The following ADGRB2 variants were observed in gnomAD, a reference collection of about 807,000 sequenced individuals.
The protein encoded by ADGRB2 is brain-specific angiogenesis inhibitor 2.
In ADGRB2, 47 loss-of-function variants were observed where a neutral mutation model predicts 178.7. That is an observed-to-expected ratio of 0.26 (90% CI 0.21 to 0.34). The LOEUF (loss-of-function observed/expected upper bound fraction) is 0.34, where lower values mean the gene tolerates loss of function less well. Ranked by LOEUF, ADGRB2 falls within the 10% of genes least tolerant of loss-of-function variation. The pLI is 1.00. For missense variants in ADGRB2, 1,584 were observed against 2,180.8 expected, an observed-to-expected ratio of 0.73 and a Z score of 5.45; for synonymous variants, 870 against 912.4, an observed-to-expected ratio of 0.95 and a Z score of 0.84.
In ADGRB2 at chr1:31,727,915, G is replaced by T. The variant is rs892934150; in HGVS notation, c.4572+110C>A. On this transcript the variant is annotated intron_variant, in intron 32 of 32. Coordinates refer to ENST00000373658, the MANE Select transcript of ADGRB2 (RefSeq NM_001364857.2). The surrounding 1 kb of genome is among the most constrained non-coding windows in gnomAD (Gnocchi z 4.4). ...GGCCCCAGACTGTTGCCCATGCCGT[G>T]GGGGAGGCCCTTGGTGAGACAGGCT... 4.4e-6 allele frequency: 6 copies of T among 1,367,696 alleles called. No homozygotes were observed. The highest frequency in any genetic ancestry group is 2.5e-5 in the East Asian group (1 of 39,820). The allele number at this position is 1,367,696 out of a possible 1,614,324, so 84.7% of individuals were successfully genotyped here. A position where few individuals can be genotyped will look rare whatever the true frequency, so the allele number is the denominator to read the frequency against.
rs1645128727 is a variant in ADGRB2 at position 31,728,803 on chromosome 1, A to AACACCCACACACACACACACACAC, written c.4381-171_4381-170insGTGTGTGTGTGTGTGTGTGGGTGT. Reference sequence around the variant, plus strand: ...TGGGGCAGCTTTTCAGGCCTCACTGAACACACACACACACACACACACACA... The same window carrying AACACCCACACACACACACACACAC: ...TGGGGCAGCTTTTCAGGCCTCACTGAACACCCACACACACACACACACACACACACACACACACACACACACACA... On this transcript the variant is annotated intron_variant, in intron 29 of 32. Transcript: ENST00000373658. The surrounding 1 kb of genome is among the most constrained non-coding windows in gnomAD (Gnocchi z 6.7). Among the ~76,000 whole-genome samples, 1 of 115,436 alleles carries AACACCCACACACACACACACACAC rather than the reference A, an allele frequency of 8.7e-6. No homozygotes were observed. Among genetic ancestry groups the AACACCCACACACACACACACACAC allele is most frequent in the Non-Finnish European group, 1.8e-5 (1 of 54,906 alleles). 75.7% of individuals were successfully genotyped at this position (115,436 alleles called of 152,430 possible).
Position 31,728,724 on chromosome 1 carries a change from G to A in ADGRB2, c.4381-91C>T, listed in dbSNP as rs887212452. Reference sequence around the variant, plus strand: ...GAGACAGGAAGCCTGGCATCCCAGGGGTCTGCCCGCTGCACCTTCCCCCCA... The same window carrying A: ...GAGACAGGAAGCCTGGCATCCCAGGAGTCTGCCCGCTGCACCTTCCCCCCA... On this transcript the variant is annotated intron_variant, in intron 29 of 32. Coordinates refer to ENST00000373658, the MANE Select transcript of ADGRB2 (RefSeq NM_001364857.2). This position sits in a 1 kb window ranked among gnomAD's most constrained non-coding sequence, Gnocchi z 6.7. The A allele has an allele frequency of 1.5e-5, 22 of 1,508,460 alleles. No homozygotes were observed. The highest frequency in any genetic ancestry group is 2.0e-5 in the Non-Finnish European group (22 of 1,091,602). The allele number at this position is 1,508,460 out of a possible 1,614,324, so 93.4% of individuals were successfully genotyped here.
intron 6 of ADGRB2, 104 bp from the exon 7 acceptor site, chr1:31,743,106 T>G (rs1164478952): frequency 8.0e-7 from 1 of 1,247,504 alleles, no homozygotes; most frequent in South Asian, 1.9e-5. Flanking sequence ...GCTCTGCGGC[T>G]GCTCCTCATT....
In ADGRB2 at chr1:31,731,222, C is replaced by T. The variant is rs1430172582; in HGVS notation, c.3958G>A (p.Glu1320Lys). Residue 1320 changes from glutamate (E) to lysine (K), a missense_variant, in exon 29 of 33, where the codon GAG (glutamate) becomes AAG (lysine). Coordinates refer to ENST00000373658, the MANE Select transcript of ADGRB2 (RefSeq NM_001364857.2). Reference sequence around the variant, plus strand: ...CCACACATGTAAACAGGGTTGGCCTCCTGTGGGGGCGGAGGCTCCCCCAGC... The same window carrying T: ...CCACACATGTAAACAGGGTTGGCCTTCTGTGGGGGCGGAGGCTCCCCCAGC... Reference protein sequence around the residue: ...PGLGEPPPPQEANPVYMCGEG... With the variant: ...PGLGEPPPPQKANPVYMCGEG... 1.2e-6 allele frequency: 2 copies of T among 1,604,006 alleles called. No individual in the cohort carries two copies. Among genetic ancestry groups the T allele is most frequent in the Admixed American group, 3.4e-5 (2 of 58,808 alleles).
At position 31,728,421 on chromosome 1, in the gene ADGRB2, G is replaced by C. The variant is rs1400351374; in HGVS notation, c.4417-141C>G. The C allele has an allele frequency of 1.5e-6, 2 of 1,328,210 alleles. No individual in the cohort carries two copies. The highest frequency in any genetic ancestry group is 2.9e-5 in the African/African-American group (2 of 68,980). The allele number at this position is 1,328,210 out of a possible 1,614,324, so 82.3% of individuals were successfully genotyped here. A position where few individuals can be genotyped will look rare whatever the true frequency, so the allele number is the denominator to read the frequency against. On this transcript the variant is annotated intron_variant, in intron 30 of 32. Coordinates refer to ENST00000373658, the MANE Select transcript of ADGRB2 (RefSeq NM_001364857.2). The surrounding 1 kb of genome is among the most constrained non-coding windows in gnomAD (Gnocchi z 6.7). ...GGACAAGACCTAGTTCTCTCTTCAC[G>C]TTGGTGCTATGGGCTTGGGCAGGGA...
Position 31,740,842 on chromosome 1 carries a change from C to T in ADGRB2, c.1795-301G>A, listed in dbSNP as rs1432904794. Among the ~76,000 whole-genome samples, 1 of 151,206 alleles carries T rather than the reference C, an allele frequency of 6.6e-6. No homozygotes were observed. Among genetic ancestry groups the T allele is most frequent in the Non-Finnish European group, 1.5e-5 (1 of 67,848 alleles). ...ATGGGAACAGGGTACCTCCCCATCCCAAAGGGGTCATGTACATTCTGGAGT... is the reference window on the plus strand; with the variant it reads ...ATGGGAACAGGGTACCTCCCCATCCTAAAGGGGTCATGTACATTCTGGAGT... On this transcript the variant is annotated intron_variant, in intron 11 of 32. Transcript: ENST00000373658. The surrounding 1 kb of genome is among the most constrained non-coding windows in gnomAD (Gnocchi z 5.9).
rs921460088 is a variant in ADGRB2 at position 31,754,596 on chromosome 1, T to C, written c.838+1403A>G. Among the ~76,000 whole-genome samples, 4 of 152,260 alleles carry C rather than the reference T, an allele frequency of 2.6e-5. No individual in the cohort carries two copies. Among genetic ancestry groups the C allele is most frequent in the Non-Finnish European group, 4.4e-5 (3 of 68,042 alleles). On this transcript the variant is annotated intron_variant, in intron 4 of 32. Coordinates refer to ENST00000373658, the MANE Select transcript of ADGRB2 (RefSeq NM_001364857.2). The surrounding 1 kb of genome is among the most constrained non-coding windows in gnomAD (Gnocchi z 5.7). ...CCCGGCTGTCACTCGGACGGCTTCA[T>C]TGACCGCCGTTAGAGGCCAAGCTAG...
At chr1:31,731,574 T>TA (rs1402258709) in intron 28 of ADGRB2, among the ~76,000 whole-genome samples, 155 bp from the exon 29 acceptor site, 1 of 151,962 alleles carries the variant, frequency 6.6e-6, no homozygotes, top group Non-Finnish European at 1.5e-5. Context: ...ATCTCTCACA[T>TA]ATAAGAGGGG....
At chr1:31,729,076 T>G (rs910344823) in intron 29 of ADGRB2, among the ~76,000 whole-genome samples, 4 of 152,142 alleles carry the variant, frequency 2.6e-5, no homozygotes, top group African/African-American at 4.8e-5. Context: ...CTGCCCCTTT[T>G]CCTGCCAAAC....
intron 4 of ADGRB2, among the ~76,000 whole-genome samples, chr1:31,746,040 T>C (rs1394898097): frequency 6.6e-6 from 1 of 152,172 alleles, no homozygotes; most frequent in Non-Finnish European, 1.5e-5. Context: ...AGAAGAGCTT[T>C]GGAGTGAATT....
At position 31,755,935 on chromosome 1, in the gene ADGRB2, T is replaced by G. The variant is rs1646807223; in HGVS notation, c.838+64A>C. On this transcript the variant is annotated intron_variant, in intron 4 of 32. Transcript: ENST00000373658. This position sits in a 1 kb window ranked among gnomAD's most constrained non-coding sequence, Gnocchi z 5.1. ...ATGCATGGCCGAGGATCTGCCAGGA[T>G]GGACACCAGGGACACTGTCAGCCCC... 5 of 1,540,160 alleles carry G rather than the reference T, an allele frequency of 3.2e-6. No individual in the cohort carries two copies. Among genetic ancestry groups the G allele is most frequent in the Non-Finnish European group, 2.6e-6 (3 of 1,139,784 alleles).
At chr1:31,746,184 G>A (rs1305614969) in intron 4 of ADGRB2, among the ~76,000 whole-genome samples, 3 of 152,238 alleles carry the variant, frequency 2.0e-5, no homozygotes, top group East Asian at 3.9e-4. Context: ...CTCACGTGAG[G>A]ACCCCCTGCC....
rs1052603638 is a variant in ADGRB2 at position 31,754,202 on chromosome 1, C to G, written c.838+1797G>C. On this transcript the variant is annotated intron_variant, in intron 4 of 32. Transcript: ENST00000373658. The surrounding 1 kb of genome is among the most constrained non-coding windows in gnomAD (Gnocchi z 5.7). ...GGCCCTCTCTGATCCCCAAAGACAC[C>G]CCAGCTACCAACCAACTCCTGCTTC... Among the ~76,000 whole-genome samples, 2 of 152,218 alleles carry G rather than the reference C, an allele frequency of 1.3e-5. No homozygotes were observed. Among genetic ancestry groups the G allele is most frequent in the Non-Finnish European group, 2.9e-5 (2 of 68,032 alleles).
chr1:31,730,168 G>A (rs934810249), intron 29 of ADGRB2, among the ~76,000 whole-genome samples: 5 of 152,324 alleles, frequency 3.3e-5, no homozygotes, highest in South Asian at 2.1e-4. Context: ...GGAGGCCAGC[G>A]TGAAGGTGAA....
At chr1:31,743,310 T>G in intron 6 of ADGRB2, 1 of 295,822 alleles carries the variant, frequency 3.4e-6, no homozygotes, top group East Asian at 5.6e-5. Context: ...CACAGGAAAA[T>G]TCAGGAAAGG....
chr1:31,735,415 G>T lies in ADGRB2; in HGVS notation c.3354-134C>A, dbSNP rs1297177785. ...GAGAGCTGGGTTAGGGTGGGTGAGG[G>T]GCTGCGGCTGAGCACTCCGGGTGCC... On this transcript the variant is annotated intron_variant, in intron 24 of 32. Coordinates refer to ENST00000373658, the MANE Select transcript of ADGRB2 (RefSeq NM_001364857.2). The surrounding 1 kb of genome is among the most constrained non-coding windows in gnomAD (Gnocchi z 6.0). The T allele has an allele frequency of 8.2e-7, 1 of 1,216,102 alleles. No individual in the cohort carries two copies. Among genetic ancestry groups the T allele is most frequent in the Non-Finnish European group, 1.2e-6 (1 of 850,674 alleles). The allele number at this position is 1,216,102 out of a possible 1,614,324, so 75.3% of individuals were successfully genotyped here.
At position 31,736,672 on chromosome 1, in the gene ADGRB2, A is replaced by G; in HGVS notation, c.3031T>C (p.Phe1011Leu). The G allele has an allele frequency of 6.2e-7, 1 of 1,614,086 alleles. No individual in the cohort carries two copies. The highest frequency in any genetic ancestry group is 2.2e-5 in the East Asian group (1 of 44,868). The change falls in exon 21 of 33, where the codon TTT becomes CTT. Residue 1011 changes from phenylalanine (F) to leucine (L), a missense_variant. Coordinates refer to ENST00000373658, the MANE Select transcript of ADGRB2 (RefSeq NM_001364857.2). ...AFLHFFFLSSFCWVLTEAWQS... is the reference protein window; with the variant it reads ...AFLHFFFLSSLCWVLTEAWQS... Reference sequence around the variant, plus strand: ...CAGGCCTCGGTAAGCACCCAGCAAAAGGAGGAGAGAAAGAAGAAGTGCAGG... The same window carrying G: ...CAGGCCTCGGTAAGCACCCAGCAAAGGGAGGAGAGAAAGAAGAAGTGCAGG...
Position 31,727,617 on chromosome 1 carries a change from G to A in ADGRB2, c.4573-12C>T, listed in dbSNP as rs376877976. ...GGGCTGGGCTTATCCTGTGGAGGGAGCGGGAGGGGCCGTGGAGATGGGCCA... is the reference window on the plus strand; with the variant it reads ...GGGCTGGGCTTATCCTGTGGAGGGAACGGGAGGGGCCGTGGAGATGGGCCA... On this transcript the variant is annotated splice_polypyrimidine_tract_variant and intron_variant, in intron 32 of 32. Coordinates refer to ENST00000373658, the MANE Select transcript of ADGRB2 (RefSeq NM_001364857.2). This position sits in a 1 kb window ranked among gnomAD's most constrained non-coding sequence, Gnocchi z 4.4. 5.1e-5 allele frequency: 77 copies of A among 1,502,046 alleles called. No homozygotes were observed. The highest frequency in any genetic ancestry group is 6.7e-5 in the Non-Finnish European group (76 of 1,132,140). 93.0% of individuals were successfully genotyped at this position (1,502,046 alleles called of 1,614,324 possible). A position where few individuals can be genotyped will look rare whatever the true frequency, so the allele number is the denominator to read the frequency against.
At chr1:31,737,612 C>T in intron 19 of ADGRB2, 40 bp downstream of exon 19, 2 of 1,611,642 alleles carry the variant, frequency 1.2e-6, no homozygotes, top group Middle Eastern at 1.7e-4. Context: ...CTGCGCCTGC[C>T]CCCCCTCCCC....
Sources: gnomAD v4.1 joint callset for allele counts (sites outside exome capture counted in the v4.1 genomes callset) on GRCh38, gnomAD v4.1.1 for gene constraint, Gnocchi (gnomAD v3.1) non-coding constraint, MANE v1.5 for transcripts, NCBI Gene and HGNC (gene_info 2026-07-23, HGNC 2026-07-21) for gene names.